SNRPN: variants seen among roughly 807,000 people sequenced by gnomAD.
SNRPN encodes the protein small nuclear ribonucleoprotein polypeptide N.
A neutral mutation model predicts 25.2 loss-of-function variants in SNRPN; 7 were observed. The observed-to-expected ratio is 0.28, with a 90% CI of 0.16 to 0.52. The LOEUF (loss-of-function observed/expected upper bound fraction) is 0.52. SNRPN is among the 20% of genes least tolerant of loss of function. The pLI, the probability that SNRPN is intolerant of heterozygous loss-of-function variation, is 0.96. For synonymous variants in SNRPN, 124 were observed against 110.6 expected (o/e 1.12, Z -0.76); for missense variants, 196 against 322.5 (o/e 0.61, Z 3.00).
chr15:24,937,841 T>C (rs559380155), intron 3 of SNRPN, among the ~76,000 whole-genome samples: 1 of 152,186 alleles, frequency 6.6e-6, no homozygotes, highest in Admixed American at 6.5e-5. Context: ...TTAGTCTGGA[T>C]ATCTCGTATA....
At chr15:24,933,522 A>G (rs2061023458) in intron 3 of SNRPN, among the ~76,000 whole-genome samples, 1 of 152,122 alleles carries the variant, frequency 6.6e-6, no homozygotes, top group Non-Finnish European at 1.5e-5. Context: ...TCATGCCTGT[A>G]ATCCCAGCAC....
At chr15:24,967,398 G>A (rs2075797026) in intron 2 of SNRPN, among the ~76,000 whole-genome samples, 1 of 152,056 alleles carries the variant, frequency 6.6e-6, no homozygotes, top group African/African-American at 2.4e-5. Flanking sequence ...CCAGCACTTT[G>A]GGAGGCCAAA....
chr15:24,974,789 C>T (rs1442597897), intron 4 of SNRPN: 4 of 631,710 alleles, frequency 6.3e-6, no homozygotes, highest in Non-Finnish European at 8.5e-6. Flanking sequence ...AGGCTCCTGA[C>T]CTCTGGTGAT....
chr15:24,843,984 A>C (rs4906920), intron 2 of SNRPN, among the ~76,000 whole-genome samples: 23,379 of 151,914 alleles, frequency 0.15, 1,892 homozygotes, highest in East Asian at 0.3. Flanking sequence ...AAAAAAAAAA[A>C]AACGTATGAT....
chr15:24,861,184 C>G (rs2053950758), intron 1 of SNRPN, among the ~76,000 whole-genome samples: 1 of 152,186 alleles, frequency 6.6e-6, no homozygotes, highest in Admixed American at 6.5e-5. Context: ...GAAATACCTT[C>G]TGAGAAATGC....
At chr15:24,972,109 A>G (rs1043143072) in intron 3 of SNRPN, among the ~76,000 whole-genome samples, 1 of 151,972 alleles carries the variant, frequency 6.6e-6, no homozygotes, top group African/African-American at 2.4e-5. Context: ...TACAAAAATT[A>G]GCCGGGTGTG....
At chr15:24,957,457 G>C (rs915366889) in intron 1 of SNRPN, among the ~76,000 whole-genome samples, 8 of 152,294 alleles carry the variant, frequency 5.3e-5, no homozygotes, top group Admixed American at 3.3e-4. Context: ...AATTTGGTGA[G>C]AAAGGTTAAT....
chr15:24,977,824 C>T lies in SNRPN; in HGVS notation c.467C>T (p.Ala156Val), dbSNP rs372352489. The T allele has an allele frequency of 8.1e-6, 13 of 1,613,258 alleles. No homozygotes were observed. The highest frequency in any genetic ancestry group is 1.0e-5 in the Non-Finnish European group (12 of 1,179,556). The part of the protein sequence containing the change: ...GRGTVAAAAV[A>V]ATASIAGAPT... ...GGCACTGTAGCAGCTGCTGCTGTTG[C>T]TGCGACTGCCAGTATTGCTGGAGCC... Residue 156 changes from alanine to valine, a missense_variant, in exon 8 of 10, where the codon GCT becomes GTT. Physicochemically the swap from Ala to Val is moderately conservative, Grantham distance 64 (BLOSUM62 0). Transcript: ENST00000390687.
intron 3 of SNRPN, among the ~76,000 whole-genome samples, chr15:24,925,609 T>G (rs939553925): frequency 1.7e-4 from 26 of 152,292 alleles, no homozygotes; most frequent in Admixed American, 4.6e-4. Flanking sequence ...TTATTATTGT[T>G]GTTGTTTAAT....
At chr15:24,969,430 A>G (rs1348241485) in intron 3 of SNRPN, among the ~76,000 whole-genome samples, 2 of 152,112 alleles carry the variant, frequency 1.3e-5, no homozygotes, top group African/African-American at 2.4e-5. Flanking sequence ...CGCCCGGCCC[A>G]TTTTGAGTTT....
intron 2 of SNRPN, among the ~76,000 whole-genome samples, chr15:24,846,966 A>G (rs917118012): frequency 6.6e-6 from 1 of 152,176 alleles, no homozygotes; most frequent in Non-Finnish European, 1.5e-5. Context: ...AAAAGTTAAA[A>G]GTGAGGAAAA....
At chr15:24,959,917 C>G (rs776736838) in intron 1 of SNRPN, among the ~76,000 whole-genome samples, 6 of 152,066 alleles carry the variant, frequency 3.9e-5, no homozygotes, top group Non-Finnish European at 7.4e-5. Context: ...GAAATTTTGT[C>G]TTTTTGGAAG....
intron 1 of SNRPN, among the ~76,000 whole-genome samples, chr15:24,959,708 AGTAC>A (rs2074457048): frequency 6.6e-6 from 1 of 152,212 alleles, no homozygotes; most frequent in Non-Finnish European, 1.5e-5. Context: ...AGCACTGATC[AGTAC>A]TAAATTCCTT....
At chr15:24,955,420 C>T (rs2062678600) in intron 1 of SNRPN, among the ~76,000 whole-genome samples, 1 of 151,678 alleles carries the variant, frequency 6.6e-6, no homozygotes, top group Admixed American at 6.6e-5. Flanking sequence ...AGGGTGATTG[C>T]AGTTCCGTGT....
chr15:24,921,957 G>T lies in SNRPN; in HGVS notation c.-391+1833G>T, dbSNP rs993210575. ...CTCACGCCTGTAATCCCAGCACTTTGGGAGGCCAAGGCAAGTGGACCACCT... is the reference window on the plus strand; with the variant it reads ...CTCACGCCTGTAATCCCAGCACTTTTGGAGGCCAAGGCAAGTGGACCACCT... On this transcript the variant is annotated intron_variant, in intron 3 of 11. Coordinates refer to the SNRPN transcript ENST00000400097. Among the ~76,000 whole-genome samples the T allele has an allele frequency of 1.7e-4, 25 of 150,476 alleles. 2 individuals carry two copies. The highest frequency in any genetic ancestry group is 2.9e-5 in the Non-Finnish European group (2 of 67,876).
intron 2 of SNRPN, among the ~76,000 whole-genome samples, chr15:24,840,956 C>T (rs1160056538): frequency 1.3e-5 from 2 of 152,130 alleles, no homozygotes; most frequent in African/African-American, 4.8e-5. Flanking sequence ...CTTCTCCTGC[C>T]TCAGCCTCCT....
upstream of SNRPN, among the ~76,000 whole-genome samples, chr15:24,952,158 T>C (rs1284034949): frequency 6.6e-6 from 1 of 152,180 alleles, no homozygotes; most frequent in Non-Finnish European, 1.5e-5. Context: ...TGTGTACCTG[T>C]ATACATATAT....
intron 3 of SNRPN, among the ~76,000 whole-genome samples, chr15:24,934,182 C>T (rs1231395790): frequency 6.6e-6 from 1 of 151,934 alleles, no homozygotes; most frequent in African/African-American, 2.4e-5. Flanking sequence ...CCTGTAGTCC[C>T]AGCTACTCAG....
chr15:24,874,954 C>G (rs553400569), intron 1 of SNRPN, among the ~76,000 whole-genome samples: 2 of 151,948 alleles, frequency 1.3e-5, no homozygotes, highest in Non-Finnish European at 2.9e-5. Flanking sequence ...AAGACTAATA[C>G]CTGCATTTAT....
Sources: gnomAD v4.1 joint callset for allele counts (sites outside exome capture counted in the v4.1 genomes callset) on GRCh38, gnomAD v4.1.1 for gene constraint, MANE v1.5 for transcripts, NCBI Gene and HGNC (gene_info 2026-07-23, HGNC 2026-07-21) for gene names.